GSN: variants seen among roughly 807,000 people sequenced by gnomAD.
The protein encoded by GSN is actin-depolymerizing factor.
A neutral mutation model predicts 85.7 loss-of-function variants in GSN; 56 were observed. The ratio of observed to expected loss-of-function variants is 0.65; its 90% CI spans 0.53 to 0.82. The LOEUF (loss-of-function observed/expected upper bound fraction) is 0.82, where lower values mean the gene tolerates loss of function less well. Ranked by LOEUF, GSN falls within the 40% of genes least tolerant of loss-of-function variation. GSN has a pLI of 0.00. For missense variants in GSN, 857 were observed against 979.8 expected, an observed-to-expected ratio of 0.87 and a Z score of 1.67; for synonymous variants, 373 against 399.1, an observed-to-expected ratio of 0.93 and a Z score of 0.78.
At chr9:121,229,577 G>T (rs1199324168) in intron 4 of GSN, among the ~76,000 whole-genome samples, 2 of 152,156 alleles carry the variant, frequency 1.3e-5, no homozygotes, top group African/African-American at 2.4e-5. Context: ...CACAATTTAG[G>T]TTTGTCATTA....
chr9:121,305,113 T>A (rs2060265294), intron 4 of GSN, among the ~76,000 whole-genome samples: 1 of 152,186 alleles, frequency 6.6e-6, no homozygotes, highest in Non-Finnish European at 1.5e-5. Context: ...AAAGGGTGAT[T>A]TTCCAGGTCA....
chr9:121,223,763 G>A (rs532159486), intron 4 of GSN, among the ~76,000 whole-genome samples: 236 of 152,168 alleles, frequency 1.6e-3, no homozygotes, highest in Middle Eastern at 3.4e-3. Context: ...GGGTTCAAGC[G>A]ATTCTCGTGC....
intron 4 of GSN, among the ~76,000 whole-genome samples, chr9:121,220,114 C>CT (rs1554773814): frequency 2.0e-5 from 3 of 152,114 alleles, no homozygotes; most frequent in Non-Finnish European, 4.4e-5. Flanking sequence ...AACTCCTGAC[C>CT]CCAGGTGATC....
the GSN span, chr9:121,201,881 C>G: frequency 6.6e-6 from 1 of 152,486 alleles, no homozygotes; most frequent in Non-Finnish European, 1.5e-5. Flanking sequence ...GCGGCGCTCC[C>G]TGCACAGGGT....
At chr9:121,311,240 G>C in intron 5 of GSN, 1 of 294,368 alleles carries the variant, frequency 3.4e-6, no homozygotes, top group South Asian at 3.5e-5. Context: ...ACATGTGTAT[G>C]TCATACATGT....
At chr9:121,321,235 G>A in intron 10 of GSN, 33 bp from the exon 11 acceptor site, 1 of 1,612,216 alleles carries the variant, frequency 6.2e-7, no homozygotes, top group Non-Finnish European at 8.5e-7. Context: ...TGGGGGTGCT[G>A]CACAGCATCT....
chr9:121,286,793 G>A (rs1034073360), intron 2 of GSN: 1 of 1,517,440 alleles, frequency 6.6e-7, no homozygotes, highest in Admixed American at 2.0e-5. Context: ...GTAGAAGTGA[G>A]AGTCAGACTT....
chr9:121,262,331 T>A (rs1018643420), intron 6 of GSN, among the ~76,000 whole-genome samples: 13 of 152,210 alleles, frequency 8.5e-5, no homozygotes, highest in Non-Finnish European at 1.8e-4. Context: ...CTTAAGCAGA[T>A]TACTTATCCT....
At chr9:121,220,524 C>T (rs1387193092) in intron 4 of GSN, among the ~76,000 whole-genome samples, 5 of 149,186 alleles carry the variant, frequency 3.4e-5, no homozygotes, top group South Asian at 2.2e-4. Context: ...AACTTTGCCA[C>T]GGTCACTCAG....
rs1185962151 is a variant in GSN, at chr9:121,286,712, C to T, written c.-10+5150C>T. 4 of 1,535,274 alleles carry T rather than the reference C, an allele frequency of 2.6e-6. No homozygotes were observed. In the African/African-American group the frequency reaches 5.5e-5, roughly 21 times the overall value. ...GTGATTGAACAGCCACTGTGGCCAT[C>T]ATTCTCCTTACCTGTCTGATGAGAG... On this transcript the variant is annotated intron_variant, in intron 2 of 17. Coordinates refer to ENST00000432226, the MANE Select transcript of GSN (RefSeq NM_198252.3).
At chr9:121,234,150 C>T (rs758613864) in intron 5 of GSN, among the ~76,000 whole-genome samples, 1 of 127,596 alleles carries the variant, frequency 7.8e-6, no homozygotes, top group Non-Finnish European at 1.8e-5. Flanking sequence ...TTATTTAAAG[C>T]CACCACATGT....
chr9:121,285,910 C>T (rs2058012605), intron 2 of GSN, among the ~76,000 whole-genome samples: 5 of 152,184 alleles, frequency 3.3e-5, no homozygotes, highest in Admixed American at 3.3e-4. Flanking sequence ...CCAAAATTGA[C>T]GGCCTTGTGC....
chr9:121,276,807 G>C (rs2056737641), intron 1 of GSN, among the ~76,000 whole-genome samples: 1 of 152,086 alleles, frequency 6.6e-6, no homozygotes, highest in South Asian at 2.1e-4. Flanking sequence ...TGGGAGGAGG[G>C]GGGAGGGATA....
intron 2 of GSN, chr9:121,297,921 G>A (rs1284325162): frequency 6.6e-6 from 1 of 152,200 alleles, no homozygotes; most frequent in East Asian, 1.9e-4. Flanking sequence ...CTAGAGAGGT[G>A]AAACTGGTTT....
At chr9:121,296,356 G>C (rs1588887077) in intron 2 of GSN, among the ~76,000 whole-genome samples, 1 of 152,234 alleles carries the variant, frequency 6.6e-6, no homozygotes, top group Non-Finnish European at 1.5e-5. Flanking sequence ...GCTGCTATCA[G>C]TGACTGCAGT....
chr9:121,234,408 C>G (rs892445738), intron 5 of GSN, among the ~76,000 whole-genome samples: 2 of 152,184 alleles, frequency 1.3e-5, no homozygotes, highest in African/African-American at 4.8e-5. Flanking sequence ...CCGATCCCTT[C>G]CGGAGGGGAG....
chr9:121,322,682 G>C (rs1161663316), intron 11 of GSN, among the ~76,000 whole-genome samples: 2 of 152,144 alleles, frequency 1.3e-5, no homozygotes, highest in African/African-American at 4.8e-5. Context: ...GAGAGTCCCT[G>C]GTTCCCTATA....
chr9:121,227,267 G>GCA (rs2054287866), intron 4 of GSN, among the ~76,000 whole-genome samples: 2 of 152,072 alleles, frequency 1.3e-5, no homozygotes, highest in African/African-American at 2.4e-5. Context: ...GGTGGTGCGT[G>GCA]CCTGTAATCC....
chr9:121,202,623 A>G, the GSN span, among the ~76,000 whole-genome samples: 77,689 of 152,042 alleles, frequency 0.51, 21,827 homozygotes, highest in South Asian at 0.8. Context: ...GGGTGCAGGG[A>G]CACGTTTTGA....
Sources: gnomAD v4.1 joint callset for allele counts (sites outside exome capture counted in the v4.1 genomes callset) on GRCh38, gnomAD v4.1.1 for gene constraint, MANE v1.5 for transcripts, NCBI Gene and HGNC (gene_info 2026-07-23, HGNC 2026-07-21) for gene names.